Variants in TTC16 observed in about 807,000 individuals in gnomAD.
TTC16 encodes the protein tetratricopeptide repeat protein 16.
In TTC16, 66 loss-of-function variants were observed where a neutral mutation model predicts 80.4. The observed-to-expected ratio is 0.82, with a 90% confidence interval of 0.67 to 1.01. The LOEUF is 1.01. TTC16 is among the 50% of genes least tolerant of loss of function. TTC16 has a pLI of 0.00. For synonymous variants in TTC16, 438 were observed against 451.3 expected (o/e 0.97, Z 0.37); for missense variants, 1,070 against 1,103.2 (o/e 0.97, Z 0.43).
In TTC16 at chr9:127,727,552, G is replaced by A. The variant is rs1228783242; in HGVS notation, c.1764+87G>A. 4.0e-6 allele frequency: 6 copies of A among 1,484,004 alleles called. No individual in the cohort carries two copies. In the South Asian group the frequency reaches 6.5e-5, roughly 16 times the overall value. The allele number at this position is 1,484,004 out of a possible 1,614,324, so 91.9% of individuals were successfully genotyped here. On this transcript the variant is annotated intron_variant, in intron 12 of 13. Transcript: ENST00000373289. ...CCAGGGCTGAAGGATGCAGGCCAGT[G>A]GAGTCTGGCTTCCAGGCCTGGCTCT...
intron 12 of TTC16, chr9:127,727,925 A>T (rs1844114392): frequency 6.5e-6 from 1 of 153,294 alleles, no homozygotes; most frequent in South Asian, 2.0e-4. Context: ...ACATCCGGCT[A>T]ATTTTTCGTA....
chr9:127,723,409 C>A, intron 7 of TTC16, 76 bp downstream of exon 7: 1 of 1,417,850 alleles, frequency 7.1e-7, no homozygotes, highest in Non-Finnish European at 9.7e-7. Flanking sequence ...TAAGGAGAGT[C>A]CCTGACCCTC....
At chr9:127,719,762 G>T (rs556247797) in intron 4 of TTC16, among the ~76,000 whole-genome samples, 11 of 152,246 alleles carry the variant, frequency 7.2e-5, no homozygotes, top group Non-Finnish European at 1.3e-4. Flanking sequence ...CAAAGTGCTG[G>T]AATGGGATAA....
chr9:127,720,259 C>G lies in TTC16; in HGVS notation c.528-7C>G, dbSNP rs1843343152. 2 of 1,613,286 alleles carry G rather than the reference C, an allele frequency of 1.2e-6. No individual in the cohort carries two copies. Among genetic ancestry groups the G allele is most frequent in the Admixed American group, 3.3e-5 (2 of 60,004 alleles). On this transcript the variant is annotated splice_polypyrimidine_tract_variant and splice_region_variant and intron_variant, in intron 5 of 13. Transcript: ENST00000373289. ...GGAAACGAGCACTCTGTGCCCTCTG[C>G]CCTCAGCATGGCCTGTCTCCTGGCC...
chr9:127,727,296 G>T lies in TTC16; in HGVS notation c.1595G>T (p.Arg532Leu), dbSNP rs746873256. 1.7e-5 allele frequency: 26 copies of T among 1,574,696 alleles called. No homozygotes were observed. In the Admixed American group the frequency reaches 1.8e-4, roughly 11 times the overall value. ...ATGCTTAAACGGCACGAGTTGGAGC[G>T]CCAGAAGGCCTTGGCCCTGCAGCAC... is the stretch of plus-strand genomic sequence containing the variant. ...VGMLKRHELE[R>L]QKALALQHSW... The change falls in exon 12 of 14, where the codon CGC becomes CTC. Residue 532 changes from arginine (R) to leucine (L), a missense_variant. Arg to Leu is a moderately radical substitution (Grantham distance 102). Coordinates refer to ENST00000373289, the MANE Select transcript of TTC16 (RefSeq NM_144965.3).
Position 127,724,111 on chromosome 9 carries a change from C to A in TTC16, c.873-9C>A. 1 of 1,598,900 alleles carries A rather than the reference C, an allele frequency of 6.3e-7. No homozygotes were observed. Among genetic ancestry groups the A allele is most frequent in the Non-Finnish European group, 8.5e-7 (1 of 1,171,480 alleles). On this transcript the variant is annotated splice_polypyrimidine_tract_variant and intron_variant, in intron 7 of 13. Coordinates refer to ENST00000373289, the MANE Select transcript of TTC16 (RefSeq NM_144965.3). ...TCCCTCCTGCCGTCTCCCACGCCCC[C>A]CCCGACAGGGGCACCATGTACCGAC...
Position 127,717,425 on chromosome 9 carries a change from G to C in TTC16, c.282+1G>C. The C allele has an allele frequency of 1.2e-6, 2 of 1,611,188 alleles. No individual in the cohort carries two copies. The highest frequency in any genetic ancestry group is 1.7e-6 in the Non-Finnish European group (2 of 1,178,158). ...CGCACTCCACCTGGACCCACAGCTG[G>C]TGAGAGGCAGACCTGGGTGGGCACA... On this transcript the variant is annotated splice_donor_variant, in intron 3 of 13. Coordinates refer to ENST00000373289, the MANE Select transcript of TTC16 (RefSeq NM_144965.3). LOFTEE classifies it high-confidence loss of function.
chr9:127,717,206 G>A (rs1408764103), intron 2 of TTC16, 128 bp from the exon 3 acceptor site: 2 of 1,181,558 alleles, frequency 1.7e-6, no homozygotes, highest in Non-Finnish European at 2.4e-6. Flanking sequence ...GCCCTCCCTG[G>A]GCTTCTGTCT....
intron 12 of TTC16, 41 bp from the exon 13 acceptor site, chr9:127,729,540 C>A: frequency 1.3e-6 from 2 of 1,552,888 alleles, no homozygotes; most frequent in Non-Finnish European, 1.8e-6. Context: ...GCTGCACGGG[C>A]CTCCTACCAT....
At chr9:127,726,007 C>A (rs114416769) in intron 9 of TTC16, among the ~76,000 whole-genome samples, 8 of 152,172 alleles carry the variant, frequency 5.3e-5, no homozygotes, top group Non-Finnish European at 1.2e-4. Flanking sequence ...TTCTCAGAAA[C>A]GCCTTCCCTA....
Position 127,723,276 on chromosome 9 carries a change from A to G in TTC16, c.815A>G (p.Gln272Arg), listed in dbSNP as rs147409367. 182 of 1,612,836 alleles carry G rather than the reference A, an allele frequency of 1.1e-4. 1 individual carries two copies. The highest frequency in any genetic ancestry group is 1.5e-4 in the Non-Finnish European group (175 of 1,180,032). ...AVQGKLQHALQRINRAIENNP... is the reference protein window; with the variant it reads ...AVQGKLQHALRRINRAIENNP... ...CAGGGCAAGCTGCAGCACGCACTGC[A>G]GCGGATCAACCGTGCCATCGAGAAC... The change falls in exon 7 of 14, where the codon CAG becomes CGG. Residue 272 changes from glutamine (Q) to arginine (R), a missense_variant. Physicochemically the swap from Gln to Arg is conservative, Grantham distance 43. Coordinates refer to ENST00000373289, the MANE Select transcript of TTC16 (RefSeq NM_144965.3).
In TTC16 at chr9:127,718,161, C is replaced by G. The variant is rs1372589056; in HGVS notation, c.426+389C>G. Reference sequence around the variant, plus strand: ...GCAGTGCAGTGGCACGATCTCGGCTCACTGCAACCTCTGTCTCTTGGATTC... The same window carrying G: ...GCAGTGCAGTGGCACGATCTCGGCTGACTGCAACCTCTGTCTCTTGGATTC... On this transcript the variant is annotated intron_variant, in intron 4 of 13. Coordinates refer to ENST00000373289, the MANE Select transcript of TTC16 (RefSeq NM_144965.3). This position sits in a 1 kb window ranked among gnomAD's most constrained non-coding sequence, Gnocchi z 4.6. 6.6e-6 allele frequency among the ~76,000 whole-genome samples: 1 copy of G among 152,134 alleles called. No homozygotes were observed. Among genetic ancestry groups the G allele is most frequent in the Non-Finnish European group, 1.5e-5 (1 of 68,028 alleles).
chr9:127,726,280 G>A lies in TTC16; in HGVS notation c.1301G>A (p.Arg434Gln), dbSNP rs749764392. The stretch of plus-strand genomic sequence containing the variant: ...GAGAACCACTTCTCCACGGCCATCC[G>A]GCACAACCCCCAGAAGGCCCAGTAC... ...KAENHFSTAI[R>Q]HNPQKAQYYL... The change falls in exon 10 of 14, where the codon CGG becomes CAG. Residue 434 changes from arginine to glutamine, a missense_variant. Physicochemically the swap from Arg to Gln is conservative, Grantham distance 43. Coordinates refer to ENST00000373289, the MANE Select transcript of TTC16 (RefSeq NM_144965.3). 24 of 1,605,162 alleles carry A rather than the reference G, an allele frequency of 1.5e-5. No individual in the cohort carries two copies. The highest frequency in any genetic ancestry group is 5.4e-5 in the African/African-American group (4 of 74,684).
rs945969021 is a variant in TTC16 at position 127,718,923 on chromosome 9, C to T, written c.426+1151C>T. On this transcript the variant is annotated intron_variant, in intron 4 of 13. Coordinates refer to ENST00000373289, the MANE Select transcript of TTC16 (RefSeq NM_144965.3). This position sits in a 1 kb window ranked among gnomAD's most constrained non-coding sequence, Gnocchi z 4.6. Reference sequence around the variant, plus strand: ...TCTTTTCTTTATGTCAAAAAATATTCAGTTCTTGGCCGGGCACGGTGGCTC... The same window carrying T: ...TCTTTTCTTTATGTCAAAAAATATTTAGTTCTTGGCCGGGCACGGTGGCTC... Among the ~76,000 whole-genome samples the T allele has an allele frequency of 6.6e-6, 1 of 150,494 alleles. No individual in the cohort carries two copies. The highest frequency in any genetic ancestry group is 1.5e-5 in the Non-Finnish European group (1 of 67,656).
rs1472707096 is a variant in TTC16, at chr9:127,726,364, A to T, written c.1385A>T (p.Asp462Val). 2.5e-6 allele frequency: 4 copies of T among 1,611,536 alleles called. No individual in the cohort carries two copies. Among genetic ancestry groups the T allele is most frequent in the Non-Finnish European group, 3.4e-6 (4 of 1,179,096 alleles). ...CAGAACATTTTTGGGGCCCGCCAGGATGTGGCCACTGTCCTGCTCCTCAAC... is the reference window on the plus strand; with the variant it reads ...CAGAACATTTTTGGGGCCCGCCAGGTTGTGGCCACTGTCCTGCTCCTCAAC... The part of the protein sequence containing the change: ...LLQNIFGARQ[D>V]VATVLLLNPK... The change falls in exon 10 of 14, where the codon GAT (aspartate) becomes GTT (valine). Residue 462 changes from aspartate to valine, a missense_variant. Transcript: ENST00000373289.
Position 127,717,340 on chromosome 9 carries a change from C to T in TTC16, c.198C>T (p.Ser66=). The part of the protein sequence containing the change: ...TVPLKVREYY[S]RGQQCLEQAD... Reference sequence around the variant, plus strand: ...GTCCCCACTTTCCCCACAGCTACTCCAGAGGCCAGCAGTGCTTGGAGCAGG... The same window carrying T: ...GTCCCCACTTTCCCCACAGCTACTCTAGAGGCCAGCAGTGCTTGGAGCAGG... Residue 66 remains serine (S), a synonymous_variant, in exon 3 of 14, where the codon TCC becomes TCT. Coordinates refer to ENST00000373289, the MANE Select transcript of TTC16 (RefSeq NM_144965.3). 6.2e-7 allele frequency: 1 copy of T among 1,610,768 alleles called. No individual in the cohort carries two copies. Among genetic ancestry groups the T allele is most frequent in the Non-Finnish European group, 8.5e-7 (1 of 1,180,004 alleles).
In TTC16 at chr9:127,727,438, G is replaced by A; in HGVS notation, c.1737G>A (p.Glu579=). The change falls in exon 12 of 14, where the codon GAG becomes GAA. Residue 579 remains glutamate (E), a synonymous_variant. Transcript: ENST00000373289. ...GAGAGGCTGAGGCCCCTGAGGAGGA[G>A]GAAGAAAAGGAGAAGGAGAAAAAAG... ...SEGEAEAPEE[E]EEKEKEKKEE... 2 of 1,595,776 alleles carry A rather than the reference G, an allele frequency of 1.3e-6. No homozygotes were observed. Among genetic ancestry groups the A allele is most frequent in the Non-Finnish European group, 1.7e-6 (2 of 1,171,502 alleles).
intron 12 of TTC16, 41 bp from the exon 13 acceptor site, chr9:127,729,540 C>T (rs945169443): frequency 6.4e-7 from 1 of 1,552,888 alleles, no homozygotes; most frequent in Non-Finnish European, 8.9e-7. Flanking sequence ...GCTGCACGGG[C>T]CTCCTACCAT....
At chr9:127,717,605 C>A in intron 3 of TTC16, 24 bp from the exon 4 acceptor site, 1 of 1,610,610 alleles carries the variant, frequency 6.2e-7, no homozygotes, top group Non-Finnish European at 8.5e-7. Context: ...GAGGATCTAG[C>A]AGCCTGGGTC....
Sources: allele counts gnomAD v4.1 joint callset (sites outside exome capture counted in the v4.1 genomes callset), GRCh38; gene constraint gnomAD v4.1.1; non-coding constraint Gnocchi (gnomAD v3.1); transcripts MANE v1.5; gene names NCBI Gene and HGNC (gene_info 2026-07-23, HGNC 2026-07-21).